Variants in WDFY4 observed in about 807,000 individuals in gnomAD.
WDFY4 encodes WDFY family member 4, also known as WD repeat- and FYVE domain-containing protein 4.
WDFY4 carries 169 observed loss-of-function variants against 351.9 expected under a neutral mutation model. That is an observed-to-expected ratio of 0.48 (90% CI 0.42 to 0.55). WDFY4 has a LOEUF of 0.55. WDFY4 is among the 20% of genes least tolerant of loss of function. WDFY4 has a pLI of 0.00. For missense variants in WDFY4, 3,803 were observed against 3,935.6 expected (o/e 0.97, Z 0.90); for synonymous variants, 1,622 against 1,574.6 (o/e 1.03, Z -0.71).
intron 12 of WDFY4, among the ~76,000 whole-genome samples, chr10:48,748,909 A>C (rs2065093846): frequency 6.6e-6 from 1 of 152,216 alleles, no homozygotes; most frequent in East Asian, 1.9e-4. Context: ...CCAAGTCTCC[A>C]GGGAGGAGGG....
chr10:48,906,821 G>A (rs1448701105), intron 47 of WDFY4, among the ~76,000 whole-genome samples: 2 of 152,184 alleles, frequency 1.3e-5, no homozygotes, highest in Non-Finnish European at 2.9e-5. Flanking sequence ...GAAAAAATAG[G>A]TGTGGTCATG....
chr10:48,766,333 G>A (rs1197200644), intron 13 of WDFY4, among the ~76,000 whole-genome samples: 1 of 152,180 alleles, frequency 6.6e-6, no homozygotes, highest in African/African-American at 2.4e-5. Flanking sequence ...ACTCATGCCT[G>A]TAATTTCAGC....
rs770745898 is a variant in WDFY4 at position 48,814,090 on chromosome 10, C to A, written c.5340+8C>A. 1 of 1,536,952 alleles carries A rather than the reference C, an allele frequency of 6.5e-7. No individual in the cohort carries two copies. The highest frequency in any genetic ancestry group is 1.2e-5 in the South Asian group (1 of 82,516). On this transcript the variant is annotated splice_region_variant and intron_variant, in intron 31 of 61. Coordinates refer to ENST00000325239, the MANE Select transcript of WDFY4 (RefSeq NM_001394531.1). Reference sequence around the variant, plus strand: ...AAGGCCACCATGAGCCAGGTGAGACCCATTCCCCACATGCTGCCCCGAGGA... The same window carrying A: ...AAGGCCACCATGAGCCAGGTGAGACACATTCCCCACATGCTGCCCCGAGGA...
intron 17 of WDFY4, among the ~76,000 whole-genome samples, 186 bp from the exon 18 acceptor site, chr10:48,778,425 G>A (rs972670459): frequency 5.3e-5 from 8 of 152,262 alleles, no homozygotes; most frequent in African/African-American, 1.9e-4. Flanking sequence ...CGGACCTCAG[G>A]GAGATCGAGA....
chr10:48,712,292 A>T (rs1331452428), intron 2 of WDFY4, among the ~76,000 whole-genome samples: 2 of 152,236 alleles, frequency 1.3e-5, no homozygotes, highest in Admixed American at 6.5e-5. Flanking sequence ...ATGATTATAA[A>T]GTCCACAGCT....
At chr10:48,937,163 G>A (rs1268109289) in intron 47 of WDFY4, among the ~76,000 whole-genome samples, 1 of 152,080 alleles carries the variant, frequency 6.6e-6, no homozygotes, top group African/African-American at 2.4e-5. Flanking sequence ...CAGAGTGTTG[G>A]GATTACACGT....
At chr10:48,945,464 A>G (rs2671718) in intron 49 of WDFY4, among the ~76,000 whole-genome samples, 148,325 of 152,294 alleles carry the variant, frequency 0.97, 72,360 homozygotes, top group East Asian at 1. Flanking sequence ...CTGCTAACAT[A>G]CAGAACCTGA....
intron 47 of WDFY4, among the ~76,000 whole-genome samples, chr10:48,906,168 A>G (rs1437336525): frequency 6.6e-6 from 1 of 152,192 alleles, no homozygotes; most frequent in Non-Finnish European, 1.5e-5. Context: ...CTTCTTACCT[A>G]TAAACGAGGT....
chr10:48,819,616 C>T (rs1015202062), intron 32 of WDFY4, among the ~76,000 whole-genome samples: 7 of 152,256 alleles, frequency 4.6e-5, no homozygotes, highest in South Asian at 2.1e-4. Flanking sequence ...GGGGTAATGA[C>T]CCCTGTCTCG....
intron 31 of WDFY4, 65 bp from the exon 32 acceptor site, chr10:48,817,180 C>A: frequency 6.6e-7 from 1 of 1,522,556 alleles, no homozygotes; most frequent in South Asian, 1.2e-5. Flanking sequence ...GACCTCAGCT[C>A]CTCTGGTTAG....
intron 39 of WDFY4, among the ~76,000 whole-genome samples, chr10:48,860,869 A>T (rs1194420613): frequency 6.6e-6 from 1 of 152,106 alleles, no homozygotes; most frequent in Admixed American, 6.5e-5. Context: ...TGATTCAATT[A>T]TGTATCGAGG....
At chr10:48,883,073 G>A (rs1443810511) in intron 43 of WDFY4, among the ~76,000 whole-genome samples, 1 of 152,218 alleles carries the variant, frequency 6.6e-6, no homozygotes, top group East Asian at 1.9e-4. Context: ...TCCCTCAGCA[G>A]CCGGCTGTTA....
Position 48,810,431 on chromosome 10 carries a change from C to A in WDFY4, c.4839-99C>A. ...ATAAGTGATGTTAACCTTAACTTGC[C>A]TCTCCTTGGTGACTTGTAAGGCTGG... On this transcript the variant is annotated intron_variant, in intron 28 of 61. Coordinates refer to ENST00000325239, the MANE Select transcript of WDFY4 (RefSeq NM_001394531.1). 3 of 1,163,532 alleles carry A rather than the reference C, an allele frequency of 2.6e-6. No individual in the cohort carries two copies. In the South Asian group the frequency reaches 4.9e-5, roughly 19 times the overall value. 72.1% of individuals were successfully genotyped at this position (1,163,532 alleles called of 1,614,324 possible). A position where few individuals can be genotyped will look rare whatever the true frequency, so the allele number is the denominator to read the frequency against.
chr10:48,943,760 T>C (rs368969618), intron 49 of WDFY4, among the ~76,000 whole-genome samples: 5 of 152,134 alleles, frequency 3.3e-5, no homozygotes, highest in African/African-American at 1.2e-4. Flanking sequence ...GCCTGGCTAA[T>C]TTTTTTTGTA....
intron 53 of WDFY4, among the ~76,000 whole-genome samples, chr10:48,963,258 C>T (rs1841940100): frequency 1.3e-5 from 2 of 152,234 alleles, no homozygotes; most frequent in African/African-American, 2.4e-5. Flanking sequence ...ACTCCTGGAG[C>T]TCCCTGTGTG....
intron 36 of WDFY4, 139 bp from the exon 37 acceptor site, chr10:48,828,639 T>G (rs2068082916): frequency 5.5e-6 from 3 of 540,648 alleles, no homozygotes; most frequent in Non-Finnish European, 9.6e-6. Context: ...AGTGTTTGCT[T>G]TAATTTGATT....
At chr10:48,832,812 C>T (rs2068237458) in intron 39 of WDFY4, 103 bp downstream of exon 39, 1 of 1,371,418 alleles carries the variant, frequency 7.3e-7, no homozygotes, top group East Asian at 2.7e-5. Flanking sequence ...TGATCTAACT[C>T]CACGTCCTTG....
chr10:48,977,471 A>G (rs937442507), intron 59 of WDFY4, among the ~76,000 whole-genome samples: 2 of 151,146 alleles, frequency 1.3e-5, no homozygotes, highest in African/African-American at 2.4e-5. Context: ...CCATCCATGT[A>G]TCCCTCCATG....
At chr10:48,706,816 T>C (rs565637633) in intron 1 of WDFY4, among the ~76,000 whole-genome samples, 3 of 152,366 alleles carry the variant, frequency 2.0e-5, no homozygotes, top group Non-Finnish European at 4.4e-5. Context: ...TTTATAGTAC[T>C]GAATAATTGG....
Sources: gnomAD v4.1 joint callset for allele counts (sites outside exome capture counted in the v4.1 genomes callset) on GRCh38, gnomAD v4.1.1 for gene constraint, MANE v1.5 for transcripts, NCBI Gene and HGNC (gene_info 2026-07-23, HGNC 2026-07-21) for gene names.